CPSF2: variants seen among roughly 807,000 people sequenced by gnomAD.
CPSF2 encodes the protein cleavage and polyadenylation specificity factor subunit 2.
In CPSF2, 51 loss-of-function variants were observed where a neutral mutation model predicts 84.2. That is an observed-to-expected ratio of 0.61 (90% confidence interval 0.48 to 0.77). CPSF2 has a LOEUF of 0.77. CPSF2 is among the 30% of genes least tolerant of loss of function. CPSF2 has a pLI of 0.00. For synonymous variants in CPSF2, 286 were observed against 311.9 expected (o/e 0.92, Z 0.87); for missense variants, 641 against 929.4 (o/e 0.69, Z 4.03).
rs1376362258 is a variant in CPSF2, at chr14:92,161,907, A to G, written c.*163A>G. ...AAATATAAATAGAGAACATTTTGCAAATGCTCAAATGAGCATTCTATCTTT... is the reference window on the plus strand; with the variant it reads ...AAATATAAATAGAGAACATTTTGCAGATGCTCAAATGAGCATTCTATCTTT... On this transcript the variant is annotated 3_prime_UTR_variant, in exon 16 of 16. Coordinates refer to ENST00000298875, the MANE Select transcript of CPSF2 (RefSeq NM_017437.3). 2 of 510,362 alleles carry G rather than the reference A, an allele frequency of 3.9e-6. No individual in the cohort carries two copies. Among genetic ancestry groups the G allele is most frequent in the Non-Finnish European group, 6.8e-6 (2 of 295,868 alleles). The allele number at this position is 510,362 out of a possible 1,614,324, so 31.6% of individuals were successfully genotyped here. A position where few individuals can be genotyped will look rare whatever the true frequency, so the allele number is the denominator to read the frequency against.
In CPSF2 at chr14:92,169,489, T is replaced by C. The variant is rs949355392; in HGVS notation, c.*7745T>C. ...CAAATTATGTAGATGATGACGAAGT[T>C]ATAAGGTTACTATAATTTCCAACTT... On this transcript the variant is annotated 3_prime_UTR_variant, in exon 16 of 16. Transcript: ENST00000298875. 7 of 152,180 alleles carry C rather than the reference T, an allele frequency of 4.6e-5. No homozygotes were observed. Among genetic ancestry groups the C allele is most frequent in the African/African-American group, 1.4e-4 (6 of 41,450 alleles). The allele number at this position is 152,180 out of a possible 1,614,324, so 9.4% of individuals were successfully genotyped here. A position where few individuals can be genotyped will look rare whatever the true frequency, so the allele number is the denominator to read the frequency against.
intron 9 of CPSF2, among the ~76,000 whole-genome samples, chr14:92,147,773 G>A (rs200466339): frequency 6.6e-6 from 1 of 152,130 alleles, no homozygotes; most frequent in Non-Finnish European, 1.5e-5. Flanking sequence ...ACCCAGGCTG[G>A]AGTGCAGTTG....
In CPSF2 at chr14:92,143,191, G is replaced by T. The variant is rs1276542453; in HGVS notation, c.1037G>T (p.Cys346Phe). The T allele has an allele frequency of 6.2e-7, 1 of 1,614,048 alleles. No homozygotes were observed. Among genetic ancestry groups the T allele is most frequent in the South Asian group, 1.1e-5 (1 of 91,088 alleles). ...GFSRDLFIQW[C>F]QDPKNSIILT... ...TCAAGGGATCTCTTTATTCAGTGGT[G>T]TCAGGACCCTAAAAACTCAATCATT... is the stretch of plus-strand genomic sequence containing the variant. The change falls in exon 9 of 16, where the codon TGT (cysteine) becomes TTT (phenylalanine). Residue 346 changes from cysteine (C) to phenylalanine (F), a missense_variant. Physicochemically the swap from Cys to Phe is radical, Grantham distance 205. Coordinates refer to ENST00000298875, the MANE Select transcript of CPSF2 (RefSeq NM_017437.3).
At position 92,162,908 on chromosome 14, in the gene CPSF2, C is replaced by G. The variant is rs2069393802; in HGVS notation, c.*1164C>G. 1 of 152,068 alleles carries G rather than the reference C, an allele frequency of 6.6e-6. No individual in the cohort carries two copies. The highest frequency in any genetic ancestry group is 1.5e-5 in the Non-Finnish European group (1 of 68,004). 9.4% of individuals were successfully genotyped at this position (152,068 alleles called of 1,614,324 possible). On this transcript the variant is annotated 3_prime_UTR_variant, in exon 16 of 16. Coordinates refer to ENST00000298875, the MANE Select transcript of CPSF2 (RefSeq NM_017437.3). ...TTTATTTCTCAAATGGTTAAGCCCT[C>G]TTCTTTACTCTTAATTTTTTTTTGA...
At chr14:92,130,440 A>G (rs887116364) in intron 2 of CPSF2, among the ~76,000 whole-genome samples, 1 of 152,266 alleles carries the variant, frequency 6.6e-6, no homozygotes, top group Non-Finnish European at 1.5e-5. Context: ...AAGATAAAAG[A>G]GGAAGAGATT....
rs1261385741 is a variant in CPSF2 at position 92,165,577 on chromosome 14, G to A, written c.*3833G>A. 6.6e-6 allele frequency: 1 copy of A among 151,980 alleles called. No individual in the cohort carries two copies. Among genetic ancestry groups the A allele is most frequent in the African/African-American group, 2.4e-5 (1 of 41,384 alleles). The allele number at this position is 151,980 out of a possible 1,614,324, so 9.4% of individuals were successfully genotyped here. A position where few individuals can be genotyped will look rare whatever the true frequency, so the allele number is the denominator to read the frequency against. On this transcript the variant is annotated 3_prime_UTR_variant, in exon 16 of 16. Transcript: ENST00000298875. Reference sequence around the variant, plus strand: ...TTATTGACTTTTTATATATTTTGGAGTAATATCTGTTCATATCCTTTGTCC... The same window carrying A: ...TTATTGACTTTTTATATATTTTGGAATAATATCTGTTCATATCCTTTGTCC...
At position 92,157,508 on chromosome 14, in the gene CPSF2, G is replaced by T; in HGVS notation, c.1596-151G>T. The stretch of plus-strand genomic sequence containing the variant: ...GGCAAAAGAGCGAGACCCAATCTCA[G>T]AAAAATAAAAACAAAAATAAAATAA... On this transcript the variant is annotated intron_variant, in intron 12 of 15. Transcript: ENST00000298875. This position sits in a 1 kb window ranked among gnomAD's most constrained non-coding sequence, Gnocchi z 4.0. 1.6e-6 allele frequency: 1 copy of T among 640,414 alleles called. No individual in the cohort carries two copies. Among genetic ancestry groups the T allele is most frequent in the Non-Finnish European group, 2.7e-6 (1 of 374,832 alleles). The allele number at this position is 640,414 out of a possible 1,614,324, so 39.7% of individuals were successfully genotyped here.
At chr14:92,160,079 C>T (rs1451042243) in intron 14 of CPSF2, among the ~76,000 whole-genome samples, 1 of 152,132 alleles carries the variant, frequency 6.6e-6, no homozygotes, top group African/African-American at 2.4e-5. Context: ...TCTCCTGCCT[C>T]AGCCTCCCAA....
chr14:92,135,355 T>C lies in CPSF2; in HGVS notation c.416-12T>C. On this transcript the variant is annotated splice_polypyrimidine_tract_variant and intron_variant, in intron 5 of 15. Coordinates refer to ENST00000298875, the MANE Select transcript of CPSF2 (RefSeq NM_017437.3). The stretch of plus-strand genomic sequence containing the variant: ...TAAAAGAAATCTGAGTATTGTTATC[T>C]TGTTGACATAGGTAAAGGACATGGC... 3 of 1,591,582 alleles carry C rather than the reference T, an allele frequency of 1.9e-6. No individual in the cohort carries two copies. Among genetic ancestry groups the C allele is most frequent in the Middle Eastern group, 1.7e-4 (1 of 5,944 alleles).
rs576415816 is a variant in CPSF2 at position 92,164,305 on chromosome 14, A to C, written c.*2561A>C. ...CACCTTGTCCTATGAACAGGAATTA[A>C]ATTTTAAAGTATTGCCTTAAGATGG... On this transcript the variant is annotated 3_prime_UTR_variant, in exon 16 of 16. Transcript: ENST00000298875. 6.6e-6 allele frequency: 1 copy of C among 152,368 alleles called. No homozygotes were observed. Among genetic ancestry groups the C allele is most frequent in the African/African-American group, 2.4e-5 (1 of 41,592 alleles). The allele number at this position is 152,368 out of a possible 1,614,324, so 9.4% of individuals were successfully genotyped here.
In CPSF2 at chr14:92,157,208, T is replaced by G. The variant is rs2069301425; in HGVS notation, c.1596-451T>G. ...TATATATTTTTGGGTGTAGATAAAA[T>G]CTAAATAATACAGATAGGGCCGGGC... On this transcript the variant is annotated intron_variant, in intron 12 of 15. Transcript: ENST00000298875. This position sits in a 1 kb window ranked among gnomAD's most constrained non-coding sequence, Gnocchi z 4.0. Among the ~76,000 whole-genome samples the G allele has an allele frequency of 6.6e-6, 1 of 151,986 alleles. No individual in the cohort carries two copies. Among genetic ancestry groups the G allele is most frequent in the Admixed American group, 6.6e-5 (1 of 15,248 alleles).
chr14:92,124,573 A>G (rs2068821804), intron 1 of CPSF2, among the ~76,000 whole-genome samples: 1 of 152,160 alleles, frequency 6.6e-6, no homozygotes, highest in African/African-American at 2.4e-5. Flanking sequence ...GCCAACCTGC[A>G]CTTTAGGGGT....
At chr14:92,149,334 C>T (rs577892064) in intron 9 of CPSF2, among the ~76,000 whole-genome samples, 4 of 152,306 alleles carry the variant, frequency 2.6e-5, no homozygotes, top group Admixed American at 1.3e-4. Flanking sequence ...CTATTCCTAA[C>T]ACTTTGCGAG....
chr14:92,161,117 T>A lies in CPSF2; in HGVS notation c.2127T>A (p.Pro709=), dbSNP rs36036722. The change falls in exon 15 of 16, where the codon CCT becomes CCA. Residue 709 remains proline (P), a synonymous_variant. Transcript: ENST00000298875. Reference sequence around the variant, plus strand: ...CCCCTTTGACCTTATCTAAGGTTCCTGGACATCAGTCAGTTTTTATGAATG... The same window carrying A: ...CCCCTTTGACCTTATCTAAGGTTCCAGGACATCAGTCAGTTTTTATGAATG... The part of the protein sequence containing the change: ...TLEPLPPHEV[P]GHQSVFMNEP... The A allele has an allele frequency of 4.6e-5, 75 of 1,613,540 alleles. No individual in the cohort carries two copies. In the African/African-American group the frequency reaches 9.5e-4, roughly 20 times the overall value.
intron 9 of CPSF2, among the ~76,000 whole-genome samples, chr14:92,145,103 T>TA (rs2069126509): frequency 6.6e-6 from 1 of 152,176 alleles, no homozygotes; most frequent in Non-Finnish European, 1.5e-5. Context: ...TAGCAATTGA[T>TA]ATAGTGGGAT....
At chr14:92,154,813 T>C (rs181768681) in intron 10 of CPSF2, among the ~76,000 whole-genome samples, 3 of 152,280 alleles carry the variant, frequency 2.0e-5, no homozygotes, top group African/African-American at 7.2e-5. Context: ...GTATCCAGAG[T>C]ATATGATATG....
chr14:92,154,929 CAT>C (rs1225993461), intron 10 of CPSF2, among the ~76,000 whole-genome samples, 192 bp from the exon 11 acceptor site: 2 of 152,140 alleles, frequency 1.3e-5, no homozygotes. Context: ...TGTATCTAAA[CAT>C]AGAAAAGGTA....
At chr14:92,149,830 T>C (rs1299751983) in intron 9 of CPSF2, among the ~76,000 whole-genome samples, 2 of 151,704 alleles carry the variant, frequency 1.3e-5, no homozygotes, top group Non-Finnish European at 2.9e-5. Flanking sequence ...TGATTTTTTG[T>C]AGTTTTAGTA....
intron 9 of CPSF2, among the ~76,000 whole-genome samples, chr14:92,152,278 T>C (rs1184929252): frequency 6.6e-6 from 1 of 151,812 alleles, no homozygotes; most frequent in African/African-American, 2.4e-5. Context: ...TACAGGCATG[T>C]GCCATCACGC....
Sources: allele counts gnomAD v4.1 joint callset (sites outside exome capture counted in the v4.1 genomes callset), GRCh38; gene constraint gnomAD v4.1.1; non-coding constraint Gnocchi (gnomAD v3.1); transcripts MANE v1.5; gene names NCBI Gene and HGNC (gene_info 2026-07-23, HGNC 2026-07-21).